ATP23: variants seen among roughly 807,000 people sequenced by gnomAD.
ATP23 encodes the protein mitochondrial inner membrane protease ATP23 homolog.
Under a neutral mutation model 28.5 loss-of-function variants are expected in ATP23, and 24 were observed. That is an observed-to-expected ratio of 0.84 (90% CI 0.61 to 1.18). ATP23 has a LOEUF of 1.18. ATP23 is among the 50% of genes most tolerant of loss of function. The probability of loss-of-function intolerance (pLI) is 0.00; values close to 1 mark genes in which losing one functional copy is unlikely to be tolerated. For synonymous variants in ATP23, 99 were observed against 108.6 expected (o/e 0.91, Z 0.55); for missense variants, 274 against 306.4 (o/e 0.89, Z 0.79).
intron 3 of ATP23, among the ~76,000 whole-genome samples, chr12:57,947,763 G>A (rs1009990091): frequency 2.0e-5 from 3 of 152,140 alleles, no homozygotes; most frequent in Admixed American, 6.5e-5. Flanking sequence ...CCCATAGTAA[G>A]CATTCAATAA....
chr12:57,945,602 C>T (rs775697742), intron 1 of ATP23, 26 bp from the exon 2 acceptor site: 1 of 1,595,922 alleles, frequency 6.3e-7, no homozygotes, highest in South Asian at 1.1e-5. Context: ...TTTCCAATTA[C>T]TTAATTAAAT....
chr12:57,951,608 G>T, intron 3 of ATP23, 150 bp from the exon 4 acceptor site: 1 of 811,754 alleles, frequency 1.2e-6, no homozygotes, highest in Non-Finnish European at 2.0e-6. Flanking sequence ...TGTCCCATGG[G>T]TAGATGTGTG....
chr12:57,953,518 C>A, intron 4 of ATP23, 88 bp from the exon 5 acceptor site: 2 of 1,084,026 alleles, frequency 1.8e-6, no homozygotes, highest in Non-Finnish European at 2.7e-6. Context: ...ATTTTATATT[C>A]TTTTCTAATT....
Position 57,941,706 on chromosome 12 carries a change from C to T in ATP23, c.5C>T (p.Ala2Val). 3 of 1,602,490 alleles carry T rather than the reference C, an allele frequency of 1.9e-6. No individual in the cohort carries two copies. The highest frequency in any genetic ancestry group is 2.6e-6 in the Non-Finnish European group (3 of 1,175,656). The change falls in exon 1 of 6, where the codon GCG becomes GTG. Residue 2 changes from alanine (A) to valine (V), a missense_variant. Coordinates refer to ENST00000300145, the MANE Select transcript of ATP23 (RefSeq NM_033276.4). M[A>V]GAPDERRRGP... is the part of the protein sequence containing the mutation. ...GCGGCGAGGTCTGCGGGAGGCATGG[C>T]GGGAGCTCCGGACGAGCGCCGGCGG...
At chr12:57,955,353 T>G (rs1209045802) in intron 5 of ATP23, among the ~76,000 whole-genome samples, 1 of 151,206 alleles carries the variant, frequency 6.6e-6, no homozygotes, top group Middle Eastern at 3.4e-3. Context: ...AAAGAGGAAG[T>G]TTTCCTCTTT....
chr12:57,947,113 T>C, intron 3 of ATP23, 37 bp downstream of exon 3: 1 of 1,583,670 alleles, frequency 6.3e-7, no homozygotes, highest in Non-Finnish European at 8.7e-7. Context: ...TTCCCTTTAA[T>C]CCTCTCTCTT....
intron 3 of ATP23, among the ~76,000 whole-genome samples, chr12:57,951,514 T>C (rs977838349): frequency 9.2e-5 from 14 of 152,138 alleles, no homozygotes; most frequent in African/African-American, 2.9e-4. Context: ...TTAATCTAAG[T>C]ACTGCTGTAG....
Position 57,945,611 on chromosome 12 carries a change from A to C in ATP23, c.188-17A>C. ...GCTACTTTTCCAATTACTTAATTAA[A>C]TCAATATCTTTTTTAGATCCATATG... On this transcript the variant is annotated splice_polypyrimidine_tract_variant and intron_variant, in intron 1 of 5. Coordinates refer to ENST00000300145, the MANE Select transcript of ATP23 (RefSeq NM_033276.4). The C allele has an allele frequency of 6.2e-7, 1 of 1,605,702 alleles. No individual in the cohort carries two copies.
chr12:57,947,150 C>T, intron 3 of ATP23, 74 bp downstream of exon 3: 6 of 1,387,390 alleles, frequency 4.3e-6, no homozygotes, highest in Non-Finnish European at 6.1e-6. Context: ...CTTCCACATG[C>T]TCGGCATTCT....
intron 5 of ATP23, among the ~76,000 whole-genome samples, chr12:57,954,800 G>T (rs1956849812): frequency 6.7e-6 from 1 of 150,252 alleles, no homozygotes; most frequent in Middle Eastern, 3.4e-3. Context: ...TGGTTTTCTG[G>T]AGAAGAGAGT....
At chr12:57,956,498 G>C (rs969271323) in intron 5 of ATP23, among the ~76,000 whole-genome samples, 189 bp from the exon 6 acceptor site, 2 of 152,090 alleles carry the variant, frequency 1.3e-5, no homozygotes, top group Non-Finnish European at 2.9e-5. Flanking sequence ...ATAATTTTAG[G>C]TTGAGCTAAA....
At chr12:57,950,432 T>G (rs185624368) in intron 3 of ATP23, among the ~76,000 whole-genome samples, 1 of 152,244 alleles carries the variant, frequency 6.6e-6, no homozygotes, top group East Asian at 1.9e-4. Flanking sequence ...CACCTCAAAT[T>G]TCACTTCTAT....
At position 57,956,924 on chromosome 12, in the gene ATP23, T is replaced by C; in HGVS notation, c.*34T>C. The C allele has an allele frequency of 6.5e-7, 1 of 1,543,742 alleles. No individual in the cohort carries two copies. The highest frequency in any genetic ancestry group is 8.7e-7 in the Non-Finnish European group (1 of 1,150,402). On this transcript the variant is annotated 3_prime_UTR_variant, in exon 6 of 6. Transcript: ENST00000300145. ...ACATTTTTATATTACAGAGCTTCCA[T>C]CATCATGAAGAAAAAAAAATTTGGT... is the stretch of plus-strand genomic sequence containing the variant.
At position 57,941,584 on chromosome 12, in the gene ATP23, C is replaced by A. The variant is rs540392126; in HGVS notation, c.-118C>A. On this transcript the variant is annotated 5_prime_UTR_variant, in exon 1 of 6. Coordinates refer to ENST00000300145, the MANE Select transcript of ATP23 (RefSeq NM_033276.4). The stretch of plus-strand genomic sequence containing the variant: ...ACGTCTTCAGCCCAGCCAGGCTGCC[C>A]TTCTTCCCTGCGGAGGGAGGGCCTG... The A allele has an allele frequency of 1.2e-5, 17 of 1,388,434 alleles. No individual in the cohort carries two copies. The African/African-American group carries it at 2.2e-4, about 18-fold the overall frequency. The allele number at this position is 1,388,434 out of a possible 1,614,324, so 86.0% of individuals were successfully genotyped here. A position where few individuals can be genotyped will look rare whatever the true frequency, so the allele number is the denominator to read the frequency against.
At chr12:57,945,793 T>C (rs193135838) in intron 2 of ATP23, 120 bp downstream of exon 2, 2 of 866,740 alleles carry the variant, frequency 2.3e-6, no homozygotes. Context: ...TTCCATAGGG[T>C]AAATAGAGGT....
Position 57,942,369 on chromosome 12 carries a change from A to G in ATP23, c.187+481A>G, listed in dbSNP as rs146539498. On this transcript the variant is annotated intron_variant, in intron 1 of 5. Transcript: ENST00000300145. Reference sequence around the variant, plus strand: ...CATGAATGGGCTTCAGAGCGTAGAAATCCCTGAAATGGTCTGTGAAATCGT... The same window carrying G: ...CATGAATGGGCTTCAGAGCGTAGAAGTCCCTGAAATGGTCTGTGAAATCGT... Among the ~76,000 whole-genome samples the G allele has an allele frequency of 3.2e-4, 49 of 152,038 alleles. 1 individual carries two copies. In the East Asian group the frequency reaches 9.3e-3, roughly 29 times the overall value.
At position 57,941,653 on chromosome 12, in the gene ATP23, C is replaced by A; in HGVS notation, c.-49C>A. The A allele has an allele frequency of 2.5e-6, 4 of 1,581,218 alleles. No homozygotes were observed. The highest frequency in any genetic ancestry group is 3.4e-6 in the Non-Finnish European group (4 of 1,166,234). On this transcript the variant is annotated 5_prime_UTR_variant, in exon 1 of 6. Coordinates refer to ENST00000300145, the MANE Select transcript of ATP23 (RefSeq NM_033276.4). ...AGGGAGGTTACCTTTCCCAGTCTCG[C>A]TCTGGCCGCCTGAGCCAGGAGGAAG...
Position 57,958,867 on chromosome 12 carries a change from A to G in ATP23, c.*1977A>G, listed in dbSNP as rs989517100. Among the ~76,000 whole-genome samples, 6 of 152,322 alleles carry G rather than the reference A, an allele frequency of 3.9e-5. No homozygotes were observed. The highest frequency in any genetic ancestry group is 1.4e-4 in the African/African-American group (6 of 41,592). On this transcript the variant is annotated 3_prime_UTR_variant, in exon 6 of 6. Transcript: ENST00000300145. ...AAAAAATCACACTAGTTCACCAGCA[A>G]TGGATTCAAACCAAGAAGAAATCCC...
rs758427705 is a variant in ATP23, at chr12:57,951,741, A to G, written c.316-17A>G. The G allele has an allele frequency of 4.3e-6, 7 of 1,610,116 alleles. No homozygotes were observed. Among genetic ancestry groups the G allele is most frequent in the South Asian group, 2.2e-5 (2 of 90,872 alleles). On this transcript the variant is annotated splice_polypyrimidine_tract_variant and intron_variant, in intron 3 of 5. Transcript: ENST00000300145. Reference sequence around the variant, plus strand: ...ATTTTAGAATCACTGAACTTCTTTTATTTTGGTGTCTCCTAGATAGTTTTG... The same window carrying G: ...ATTTTAGAATCACTGAACTTCTTTTGTTTTGGTGTCTCCTAGATAGTTTTG...
Sources: gnomAD v4.1 joint callset for allele counts (sites outside exome capture counted in the v4.1 genomes callset) on GRCh38, gnomAD v4.1.1 for gene constraint, MANE v1.5 for transcripts, NCBI Gene and HGNC (gene_info 2026-07-23, HGNC 2026-07-21) for gene names.